RAB3GAP2: variants seen among roughly 807,000 people sequenced by gnomAD.
RAB3GAP2 encodes the protein rab3 GTPase-activating protein non-catalytic subunit.
RAB3GAP2 carries 87 observed loss-of-function variants against 185.3 expected under a neutral mutation model. The ratio of observed to expected loss-of-function variants is 0.47; its 90% confidence interval spans 0.39 to 0.56. RAB3GAP2 has a LOEUF of 0.56. Ranked by LOEUF, RAB3GAP2 falls within the 20% of genes least tolerant of loss-of-function variation. The pLI is 0.00. For synonymous variants in RAB3GAP2, 554 were observed against 576.1 expected (o/e 0.96, Z 0.55); for missense variants, 1,492 against 1,638.2 (o/e 0.91, Z 1.54).
intron 4 of RAB3GAP2, 88 bp downstream of exon 4, chr1:220,212,792 CAAATAAT>C: frequency 9.4e-7 from 1 of 1,068,144 alleles, no homozygotes; most frequent in Non-Finnish European, 1.4e-6. Context: ...TGCACCCAAT[CAAATAAT>C]GAAACTTTTT....
intron 22 of RAB3GAP2, 97 bp from the exon 23 acceptor site, chr1:220,172,146 T>C (rs1440692273): frequency 4.2e-6 from 5 of 1,203,946 alleles, no homozygotes; most frequent in Admixed American, 4.0e-5. Context: ...CTAAGTTACC[T>C]ACTGATGTGT....
In RAB3GAP2 at chr1:220,222,567, T is replaced by C. The variant is rs189922958; in HGVS notation, c.181-8588A>G. On this transcript the variant is annotated intron_variant, in intron 2 of 34. Transcript: ENST00000358951. Reference sequence around the variant, plus strand: ...ACAAATAAATTAATCACAAAAAAACTATAACTTCAATCTCAATTTTAAAAA... The same window carrying C: ...ACAAATAAATTAATCACAAAAAAACCATAACTTCAATCTCAATTTTAAAAA... 2.2e-3 allele frequency among the ~76,000 whole-genome samples: 335 copies of C among 152,324 alleles called. 2 individuals are homozygous for C. Among genetic ancestry groups the C allele is most frequent in the African/African-American group, 7.7e-3 (319 of 41,574 alleles).
chr1:220,228,283 A>G (rs1230572822), intron 2 of RAB3GAP2, among the ~76,000 whole-genome samples: 1 of 152,180 alleles, frequency 6.6e-6, no homozygotes, highest in Non-Finnish European at 1.5e-5. Flanking sequence ...CATTTCACAC[A>G]TCTGCCAAAA....
At chr1:220,221,609 G>A (rs185168398) in intron 2 of RAB3GAP2, among the ~76,000 whole-genome samples, 2 of 152,078 alleles carry the variant, frequency 1.3e-5, no homozygotes, top group Non-Finnish European at 2.9e-5. Context: ...TAAACTTCAA[G>A]AATTTTTTTT....
In RAB3GAP2 at chr1:220,154,073, G is replaced by C; in HGVS notation, c.3556-16C>G. On this transcript the variant is annotated splice_polypyrimidine_tract_variant and intron_variant, in intron 31 of 34. Coordinates refer to ENST00000358951, the MANE Select transcript of RAB3GAP2 (RefSeq NM_012414.4). Reference sequence around the variant, plus strand: ...CATTTTTTCCCTAAAAAGAAAGAGAGCAAGAAAACTGATGAGTGTGGATTA... The same window carrying C: ...CATTTTTTCCCTAAAAAGAAAGAGACCAAGAAAACTGATGAGTGTGGATTA... 1 of 1,612,740 alleles carries C rather than the reference G, an allele frequency of 6.2e-7. No individual in the cohort carries two copies. The highest frequency in any genetic ancestry group is 8.5e-7 in the Non-Finnish European group (1 of 1,179,432).
At chr1:220,227,426 T>C (rs1433659807) in intron 2 of RAB3GAP2, among the ~76,000 whole-genome samples, 1 of 152,220 alleles carries the variant, frequency 6.6e-6, no homozygotes, top group East Asian at 1.9e-4. Context: ...ATAAAAGTCA[T>C]TTTCTGCCAT....
At chr1:220,244,131 C>T (rs559643083) in intron 1 of RAB3GAP2, among the ~76,000 whole-genome samples, 3 of 152,298 alleles carry the variant, frequency 2.0e-5, no homozygotes, top group South Asian at 4.1e-4. Context: ...TTGCTGTTCA[C>T]TGATGATATG....
Position 220,218,334 on chromosome 1 carries a change from A to T in RAB3GAP2, c.181-4355T>A, listed in dbSNP as rs542037825. ...TAAAGTTGGATATGTACAACTGAGC[A>T]TTACATATTATAAAAATAGGTTAGA... On this transcript the variant is annotated intron_variant, in intron 2 of 34. Coordinates refer to ENST00000358951, the MANE Select transcript of RAB3GAP2 (RefSeq NM_012414.4). Among the ~76,000 whole-genome samples the T allele has an allele frequency of 1.4e-4, 22 of 152,296 alleles. No individual in the cohort carries two copies. In the South Asian group the frequency reaches 2.1e-3, roughly 14 times the overall value.
chr1:220,257,244 G>A (rs775421401), intron 1 of RAB3GAP2, among the ~76,000 whole-genome samples: 10 of 152,048 alleles, frequency 6.6e-5, no homozygotes, highest in Non-Finnish European at 5.9e-5. Flanking sequence ...CGGGCGTGGT[G>A]GCACGTGCCT....
chr1:220,245,417 G>A (rs1179385520), intron 1 of RAB3GAP2, among the ~76,000 whole-genome samples: 2 of 152,206 alleles, frequency 1.3e-5, no homozygotes, highest in Non-Finnish European at 2.9e-5. Flanking sequence ...GGAAGCACCT[G>A]GAAAATCGGG....
intron 4 of RAB3GAP2, 113 bp from the exon 5 acceptor site, chr1:220,211,115 T>A (rs1366404857): frequency 7.2e-6 from 7 of 978,100 alleles, no homozygotes; most frequent in Non-Finnish European, 1.1e-5. Flanking sequence ...TGTGAACCAG[T>A]TTTATTTGAT....
intron 13 of RAB3GAP2, among the ~76,000 whole-genome samples, 172 bp from the exon 14 acceptor site, chr1:220,191,456 G>A (rs1658618806): frequency 1.3e-5 from 2 of 152,016 alleles, no homozygotes; most frequent in Admixed American, 6.5e-5. Context: ...ATAATAACCA[G>A]TCTATCACCC....
chr1:220,148,641 ATTT>A lies in RAB3GAP2; in HGVS notation c.*2607_*2609del, dbSNP rs1489449864. 1.3e-5 allele frequency: 2 copies of A among 152,158 alleles called. No homozygotes were observed. The highest frequency in any genetic ancestry group is 2.9e-5 in the Non-Finnish European group (2 of 68,012). The allele number at this position is 152,158 out of a possible 1,614,324, so 9.4% of individuals were successfully genotyped here. Reference sequence around the variant, plus strand: ...TAAGTCTCATATTATTAAATTTCAGATTTTTGACTTTTTAGATCGCAATTGTTT... The same window carrying A: ...TAAGTCTCATATTATTAAATTTCAGATTGACTTTTTAGATCGCAATTGTTT... On this transcript the variant is annotated 3_prime_UTR_variant, in exon 35 of 35. Transcript: ENST00000358951.
At chr1:220,189,424 T>C (rs1052437903) in intron 17 of RAB3GAP2, among the ~76,000 whole-genome samples, 3 of 151,996 alleles carry the variant, frequency 2.0e-5, no homozygotes, top group Admixed American at 6.6e-5. Flanking sequence ...TTTCACCATG[T>C]TGGCCAGGCT....
At chr1:220,200,012 T>G (rs1658812399) in intron 9 of RAB3GAP2, among the ~76,000 whole-genome samples, 1 of 152,172 alleles carries the variant, frequency 6.6e-6, no homozygotes, top group Non-Finnish European at 1.5e-5. Context: ...TCCACTGCAT[T>G]TAGAATAAAA....
At chr1:220,213,022 AG>A in intron 3 of RAB3GAP2, 54 bp from the exon 4 acceptor site, 1 of 1,330,022 alleles carries the variant, frequency 7.5e-7, no homozygotes, top group Non-Finnish European at 1.0e-6. Flanking sequence ...ACACTAAAAG[AG>A]TAATTTATAA....
intron 21 of RAB3GAP2, among the ~76,000 whole-genome samples, chr1:220,181,398 T>G (rs1658401742): frequency 6.6e-6 from 1 of 152,144 alleles, no homozygotes; most frequent in South Asian, 2.1e-4. Context: ...CAACTGTGTA[T>G]GCATGCATGT....
At position 220,150,451 on chromosome 1, in the gene RAB3GAP2, CTTTTTTTTTTTT is replaced by C. The variant is rs35147354; in HGVS notation, c.*788_*799del. On this transcript the variant is annotated 3_prime_UTR_variant, in exon 35 of 35. Transcript: ENST00000358951. ...GACTTAAAATTTTTAGTATCTTTGCCTTTTTTTTTTTTTTTTTTTTACATAAGTTTTACAAGA... is the reference window on the plus strand; with the variant it reads ...GACTTAAAATTTTTAGTATCTTTGCCTTTTTTTTACATAAGTTTTACAAGA... 8.0e-6 allele frequency: 1 copy of C among 125,520 alleles called. No individual in the cohort carries two copies. The highest frequency in any genetic ancestry group is 2.9e-5 in the African/African-American group (1 of 34,526). 7.8% of individuals were successfully genotyped at this position (125,520 alleles called of 1,614,324 possible).
In RAB3GAP2 at chr1:220,216,120, G is replaced by A. The variant is rs151087794; in HGVS notation, c.181-2141C>T. Among the ~76,000 whole-genome samples the A allele has an allele frequency of 8.9e-3, 1,361 of 152,158 alleles. 15 individuals carry two copies. The highest frequency in any genetic ancestry group is 0.032 in the South Asian group (155 of 4,828). On this transcript the variant is annotated intron_variant, in intron 2 of 34. Transcript: ENST00000358951. ...CCCCAAAATGAGCCTGAAACCTCTG[G>A]GACAGTCATGCAATTATTTTTCTTT...
Sources: allele counts gnomAD v4.1 joint callset (sites outside exome capture counted in the v4.1 genomes callset), GRCh38; gene constraint gnomAD v4.1.1; transcripts MANE v1.5; gene names NCBI Gene and HGNC (gene_info 2026-07-23, HGNC 2026-07-21).